Variants in USP3 observed in about 807,000 individuals in gnomAD.
USP3 encodes the protein ubiquitin specific peptidase 3.
USP3 carries 20 observed loss-of-function variants against 72.3 expected under a neutral mutation model. The observed-to-expected ratio is 0.28, with a 90% confidence interval of 0.19 to 0.40. The LOEUF (loss-of-function observed/expected upper bound fraction) is 0.40, where lower values mean the gene tolerates loss of function less well. Ranked by LOEUF, USP3 falls within the 10% of genes least tolerant of loss-of-function variation. The probability of loss-of-function intolerance (pLI) is 1.00; values close to 1 mark genes in which losing one functional copy is unlikely to be tolerated. For synonymous variants in USP3, 222 were observed against 225.3 expected, an observed-to-expected ratio of 0.99 and a Z score of 0.13; for missense variants, 479 against 633.9, an observed-to-expected ratio of 0.76 and a Z score of 2.62.
At chr15:63,581,939 C>T (rs1171090744) in intron 11 of USP3, among the ~76,000 whole-genome samples, 5 of 152,146 alleles carry the variant, frequency 3.3e-5, no homozygotes, top group Admixed American at 1.3e-4. Context: ...CCACCTCAGC[C>T]TCCCAAAGTG....
chr15:63,532,251 A>G (rs1944971896), intron 1 of USP3, among the ~76,000 whole-genome samples: 1 of 152,250 alleles, frequency 6.6e-6, no homozygotes, highest in Non-Finnish European at 1.5e-5. Flanking sequence ...TGTCATTTGT[A>G]GTGGTCTATG....
At chr15:63,563,603 G>A (rs116725611) in intron 8 of USP3, among the ~76,000 whole-genome samples, 1 of 152,146 alleles carries the variant, frequency 6.6e-6, no homozygotes, top group Non-Finnish European at 1.5e-5. Flanking sequence ...GCCTTTTCTC[G>A]TAGGTCTGTC....
chr15:63,511,508 T>C (rs942879310), intron 1 of USP3, among the ~76,000 whole-genome samples: 3 of 152,168 alleles, frequency 2.0e-5, no homozygotes, highest in Admixed American at 6.5e-5. Context: ...ATTGGTGATA[T>C]AGTTTGGAAG....
At chr15:63,586,746 G>A (rs1424530167) in intron 11 of USP3, 1 of 152,166 alleles carries the variant, frequency 6.6e-6, no homozygotes, top group Non-Finnish European at 1.5e-5. Context: ...ACATAAAATA[G>A]CAGGTTGAGC....
chr15:63,560,625 T>G (rs1349370835), intron 7 of USP3, among the ~76,000 whole-genome samples: 1 of 152,044 alleles, frequency 6.6e-6, no homozygotes, highest in Non-Finnish European at 1.5e-5. Flanking sequence ...TCTTGGATAC[T>G]GAAATTAATT....
chr15:63,569,015 G>C (rs1279857034), intron 8 of USP3, among the ~76,000 whole-genome samples: 2 of 152,178 alleles, frequency 1.3e-5, no homozygotes, highest in African/African-American at 4.8e-5. Flanking sequence ...GTGTTGACTT[G>C]ATGAAAATGC....
At chr15:63,573,293 A>G (rs543812974) in intron 9 of USP3, among the ~76,000 whole-genome samples, 5 of 152,290 alleles carry the variant, frequency 3.3e-5, no homozygotes, top group African/African-American at 1.2e-4. Flanking sequence ...TCATCTACAC[A>G]CTGAGCCTCT....
chr15:63,549,324 T>C (rs2066402305), intron 3 of USP3, among the ~76,000 whole-genome samples: 1 of 152,234 alleles, frequency 6.6e-6, no homozygotes, highest in African/African-American at 2.4e-5. Context: ...CCAAACAGTT[T>C]TTCTCCAGTA....
At chr15:63,580,390 C>G (rs978183283) in intron 11 of USP3, among the ~76,000 whole-genome samples, 5 of 151,744 alleles carry the variant, frequency 3.3e-5, no homozygotes, top group African/African-American at 1.2e-4. Flanking sequence ...TGTGTGTCAC[C>G]TTTATAATAC....
intron 6 of USP3, among the ~76,000 whole-genome samples, chr15:63,559,566 G>A (rs994397030): frequency 1.6e-4 from 24 of 152,322 alleles, no homozygotes; most frequent in African/African-American, 5.5e-4. Context: ...GAAAGAAATG[G>A]TGACTACCTA....
chr15:63,578,974 C>T (rs1270571096), intron 11 of USP3, among the ~76,000 whole-genome samples: 1 of 152,052 alleles, frequency 6.6e-6, no homozygotes, highest in African/African-American at 2.4e-5. Flanking sequence ...TCTAGAAGCC[C>T]TCAATTTTTA....
intron 1 of USP3, among the ~76,000 whole-genome samples, chr15:63,508,092 GC>G: frequency 6.6e-6 from 1 of 152,210 alleles, no homozygotes; most frequent in Non-Finnish European, 1.5e-5. Flanking sequence ...ACACCCCACT[GC>G]ATGCTTGTGA....
At position 63,588,518 on chromosome 15, in the gene USP3, T is replaced by G. The variant is rs1595780902; in HGVS notation, c.1215+95T>G. The G allele has an allele frequency of 9.5e-7, 1 of 1,050,022 alleles. No homozygotes were observed. Among genetic ancestry groups the G allele is most frequent in the Non-Finnish European group, 1.4e-6 (1 of 705,514 alleles). The allele number at this position is 1,050,022 out of a possible 1,614,324, so 65.0% of individuals were successfully genotyped here. A position where few individuals can be genotyped will look rare whatever the true frequency, so the allele number is the denominator to read the frequency against. On this transcript the variant is annotated intron_variant, in intron 12 of 14. Transcript: ENST00000380324. The surrounding 1 kb of genome is among the most constrained non-coding windows in gnomAD (Gnocchi z 4.6). Reference sequence around the variant, plus strand: ...TAACTTTACACTATGTGAACTGTTCTGTATTTTTCTCTAGGATTTTCAGTA... The same window carrying G: ...TAACTTTACACTATGTGAACTGTTCGGTATTTTTCTCTAGGATTTTCAGTA...
chr15:63,586,451 C>T (rs915280828), intron 11 of USP3, among the ~76,000 whole-genome samples: 1 of 152,176 alleles, frequency 6.6e-6, no homozygotes, highest in African/African-American at 2.4e-5. Context: ...CCCGCCAAGG[C>T]CATAGCTTTT....
Position 63,570,318 on chromosome 15 carries a change from C to A in USP3, c.762-115C>A. On this transcript the variant is annotated intron_variant, in intron 8 of 14. Coordinates refer to ENST00000380324, the MANE Select transcript of USP3 (RefSeq NM_006537.4). This position sits in a 1 kb window ranked among gnomAD's most constrained non-coding sequence, Gnocchi z 4.4. ...CGGGCATGAAGGTGAGGAAGCCTGG[C>A]TGTGCTTGTGAGCACGGGGCTGCCG... 1 of 1,345,942 alleles carries A rather than the reference C, an allele frequency of 7.4e-7. No individual in the cohort carries two copies. Among genetic ancestry groups the A allele is most frequent in the Non-Finnish European group, 1.0e-6 (1 of 985,276 alleles). 83.4% of individuals were successfully genotyped at this position (1,345,942 alleles called of 1,614,324 possible).
chr15:63,586,822 G>C (rs1016499828), intron 11 of USP3: 5 of 152,260 alleles, frequency 3.3e-5, no homozygotes, highest in Admixed American at 1.3e-4. Flanking sequence ...TGGAGGTTGA[G>C]AAAGTCTCAA....
At position 63,592,068 on chromosome 15, in the gene USP3, C is replaced by T. The variant is rs1410249972; in HGVS notation, c.*1242C>T. The T allele has an allele frequency of 6.6e-6, 1 of 152,098 alleles. No homozygotes were observed. Among genetic ancestry groups the T allele is most frequent in the Non-Finnish European group, 1.5e-5 (1 of 68,054 alleles). 9.4% of individuals were successfully genotyped at this position (152,098 alleles called of 1,614,324 possible). A position where few individuals can be genotyped will look rare whatever the true frequency, so the allele number is the denominator to read the frequency against. ...CTGGGATTACAGGTGCCCACCACTA[C>T]ACCTGGCTAATTTTTTTTTTGTATT... On this transcript the variant is annotated 3_prime_UTR_variant, in exon 15 of 15. Transcript: ENST00000380324.
chr15:63,559,809 G>T (rs1217291554), intron 6 of USP3, 48 bp from the exon 7 acceptor site: 9 of 1,510,722 alleles, frequency 6.0e-6, no homozygotes, highest in Admixed American at 4.1e-5. Flanking sequence ...TTTCTTTACA[G>T]TCCTATTCTT....
intron 1 of USP3, among the ~76,000 whole-genome samples, chr15:63,509,780 A>G (rs981002737): frequency 6.6e-6 from 1 of 152,150 alleles, no homozygotes; most frequent in African/African-American, 2.4e-5. Context: ...TTGCTCATGG[A>G]TGTGAAATGT....
Sources: gnomAD v4.1 joint callset for allele counts (sites outside exome capture counted in the v4.1 genomes callset) on GRCh38, gnomAD v4.1.1 for gene constraint, Gnocchi (gnomAD v3.1) non-coding constraint, MANE v1.5 for transcripts, NCBI Gene and HGNC (gene_info 2026-07-23, HGNC 2026-07-21) for gene names.